TAF8: variants seen among roughly 807,000 people sequenced by gnomAD.
The protein encoded by TAF8 is TATA-box binding protein associated factor 8.
Under a neutral mutation model 36.5 loss-of-function variants are expected in TAF8, and 47 were observed. That is an observed-to-expected ratio of 1.29 (90% CI 1.02 to 1.64). The LOEUF (loss-of-function observed/expected upper bound fraction) is 1.64. TAF8 is among the 40% of genes most tolerant of loss of function. TAF8 has a pLI of 0.00. For synonymous variants in TAF8, 175 were observed against 159.5 expected (o/e 1.10, Z -0.73); for missense variants, 420 against 407.6 (o/e 1.03, Z -0.26).
At chr6:42,074,007 T>C (rs1175533609) in intron 7 of TAF8, among the ~76,000 whole-genome samples, 1 of 151,814 alleles carries the variant, frequency 6.6e-6, no homozygotes, top group Non-Finnish European at 1.5e-5. Context: ...GGAAAAGGAG[T>C]GTGCCAGGTG....
At position 42,066,459 on chromosome 6, in the gene TAF8, T is replaced by C; in HGVS notation, c.637T>C (p.Leu213=). ...CAAAGATGACGTCAGCACATTTCCA[T>C]GTGAGAGTTGCCCCACTGTGTGGAC... ...LFKDDVSTFP[L]IAARPFTIPY... The change falls in exon 6 of 9, where the codon TTG becomes CTG. Residue 213 remains leucine, a splice_region_variant and synonymous_variant. Coordinates refer to ENST00000372977, the MANE Select transcript of TAF8 (RefSeq NM_138572.3). 3 of 1,614,122 alleles carry C rather than the reference T, an allele frequency of 1.9e-6. No homozygotes were observed. The highest frequency in any genetic ancestry group is 2.5e-6 in the Non-Finnish European group (3 of 1,179,970).
chr6:42,050,526 A>G lies in TAF8; in HGVS notation c.-16A>G, dbSNP rs1228873498. 5 of 1,385,128 alleles carry G rather than the reference A, an allele frequency of 3.6e-6. No individual in the cohort carries two copies. The highest frequency in any genetic ancestry group is 3.8e-6 in the Non-Finnish European group (4 of 1,044,886). 85.8% of individuals were successfully genotyped at this position (1,385,128 alleles called of 1,614,324 possible). Reference sequence around the variant, plus strand: ...CCCATCGCGCCCCGCGCTCGCGCACACTACGCCAGAACAAGATGGCCGACG... The same window carrying G: ...CCCATCGCGCCCCGCGCTCGCGCACGCTACGCCAGAACAAGATGGCCGACG... On this transcript the variant is annotated 5_prime_UTR_variant, in exon 1 of 9. Transcript: ENST00000372977.
Position 42,081,105 on chromosome 6 carries a change from G to A in TAF8, c.*3560G>A, listed in dbSNP as rs9381132. 199,866 of 279,428 alleles carry A rather than the reference G, an allele frequency of 0.72. 71,880 individuals are homozygous for A. Among genetic ancestry groups the A allele is most frequent in the East Asian group, 0.9 (5,088 of 5,628 alleles). 17.3% of individuals were successfully genotyped at this position (279,428 alleles called of 1,614,324 possible). On this transcript the variant is annotated 3_prime_UTR_variant, in exon 9 of 9. Coordinates refer to ENST00000372977, the MANE Select transcript of TAF8 (RefSeq NM_138572.3). ...CCTCATCAAGCTTCCACACTTGTCA[G>A]TAGCTTGTTGATTCTGTTTCATCTG...
At position 42,051,286 on chromosome 6, in the gene TAF8, C is replaced by T. The variant is rs940605353; in HGVS notation, c.46-71C>T. 2.1e-6 allele frequency: 3 copies of T among 1,404,852 alleles called. No homozygotes were observed. The African/African-American group carries it at 4.3e-5, about 20-fold the overall frequency. 87.0% of individuals were successfully genotyped at this position (1,404,852 alleles called of 1,614,324 possible). A position where few individuals can be genotyped will look rare whatever the true frequency, so the allele number is the denominator to read the frequency against. ...TTATTTAGTAAAATAACTTTGCTTG[C>T]CGTTGACCACGTATGAACTATGTGA... is the stretch of plus-strand genomic sequence containing the variant. On this transcript the variant is annotated intron_variant, in intron 1 of 8. Transcript: ENST00000372977.
rs1356294039 is a variant in TAF8 at position 42,082,107 on chromosome 6, T to C, written c.*4562T>C. ...TTAGTTTTCACCATGTGCACGTGTG[T>C]GTTATGTGTGTGTTGTTCCGTGCAG... On this transcript the variant is annotated 3_prime_UTR_variant, in exon 9 of 9. Transcript: ENST00000372977. 6.6e-6 allele frequency: 1 copy of C among 152,232 alleles called. No homozygotes were observed. The highest frequency in any genetic ancestry group is 1.5e-5 in the Non-Finnish European group (1 of 68,050). The allele number at this position is 152,232 out of a possible 1,614,324, so 9.4% of individuals were successfully genotyped here.
chr6:42,067,374 C>A (rs540520404), intron 6 of TAF8, among the ~76,000 whole-genome samples: 8 of 152,172 alleles, frequency 5.3e-5, no homozygotes, highest in African/African-American at 1.9e-4. Context: ...CCACCACACC[C>A]AGCTAATTTT....
chr6:42,051,354 C>G lies in TAF8; in HGVS notation c.46-3C>G. 1.2e-6 allele frequency: 2 copies of G among 1,610,084 alleles called. No individual in the cohort carries two copies. Among genetic ancestry groups the G allele is most frequent in the Non-Finnish European group, 1.7e-6 (2 of 1,176,752 alleles). ...GGATGAAAATCTCTCTGCTGATTCA[C>G]AGAGATCGGGAAGTAAACAGTCCAC... On this transcript the variant is annotated splice_polypyrimidine_tract_variant and splice_region_variant and intron_variant, in intron 1 of 8. Coordinates refer to ENST00000372977, the MANE Select transcript of TAF8 (RefSeq NM_138572.3).
intron 1 of TAF8, 153 bp downstream of exon 1, chr6:42,050,739 T>G (rs1764740675): frequency 1.9e-6 from 2 of 1,066,094 alleles, no homozygotes; most frequent in African/African-American, 3.3e-5. Flanking sequence ...GCCCCCTCCT[T>G]GGGACTTGGC....
rs1176910407 is a variant in TAF8, at chr6:42,077,690, G to A, written c.*145G>A. ...TCGGACATGATTTTCATGGCAAACC[G>A]TCTTATTAAGATGACCTATTTTCAC... On this transcript the variant is annotated 3_prime_UTR_variant, in exon 9 of 9. Transcript: ENST00000372977. 48 of 1,498,106 alleles carry A rather than the reference G, an allele frequency of 3.2e-5. No individual in the cohort carries two copies. The highest frequency in any genetic ancestry group is 2.1e-4 in the Middle Eastern group (1 of 4,662). 92.8% of individuals were successfully genotyped at this position (1,498,106 alleles called of 1,614,324 possible).
chr6:42,051,685 G>A, intron 2 of TAF8, 172 bp downstream of exon 2: 1 of 627,690 alleles, frequency 1.6e-6, no homozygotes, highest in South Asian at 2.3e-5. Flanking sequence ...AATGGGCCGA[G>A]CGTGGTGGCT....
At position 42,082,071 on chromosome 6, in the gene TAF8, A is replaced by G. The variant is rs936596056; in HGVS notation, c.*4526A>G. 5 of 152,224 alleles carry G rather than the reference A, an allele frequency of 3.3e-5. No individual in the cohort carries two copies. The highest frequency in any genetic ancestry group is 7.3e-5 in the Non-Finnish European group (5 of 68,056). 9.4% of individuals were successfully genotyped at this position (152,224 alleles called of 1,614,324 possible). A position where few individuals can be genotyped will look rare whatever the true frequency, so the allele number is the denominator to read the frequency against. ...TGTAGATGGTATATTAGTACAATGCATAGAGCTTATTTAGTTTTCACCATG... is the reference window on the plus strand; with the variant it reads ...TGTAGATGGTATATTAGTACAATGCGTAGAGCTTATTTAGTTTTCACCATG... On this transcript the variant is annotated 3_prime_UTR_variant, in exon 9 of 9. Coordinates refer to ENST00000372977, the MANE Select transcript of TAF8 (RefSeq NM_138572.3).
At chr6:42,076,278 C>T (rs1432486415) in intron 7 of TAF8, among the ~76,000 whole-genome samples, 1 of 151,570 alleles carries the variant, frequency 6.6e-6, no homozygotes, top group African/African-American at 2.4e-5. Context: ...GGTAAAACCC[C>T]GTCTCTACTA....
intron 7 of TAF8, among the ~76,000 whole-genome samples, chr6:42,071,897 G>T (rs560153184): frequency 6.6e-6 from 1 of 152,308 alleles, no homozygotes; most frequent in East Asian, 1.9e-4. Flanking sequence ...TGAGGTCATG[G>T]TGGTAATTGA....
At chr6:42,053,438 G>A (rs905652866) in intron 2 of TAF8, among the ~76,000 whole-genome samples, 5 of 151,680 alleles carry the variant, frequency 3.3e-5, no homozygotes, top group African/African-American at 9.7e-5. Flanking sequence ...GGTGGCGGGC[G>A]CCTGTAATTA....
chr6:42,053,411 A>G (rs891479945), intron 2 of TAF8, among the ~76,000 whole-genome samples: 1 of 152,034 alleles, frequency 6.6e-6, no homozygotes, highest in African/African-American at 2.4e-5. Flanking sequence ...TAAAAATGCA[A>G]AAAATTAGCT....
chr6:42,071,633 T>A (rs1183922396), intron 7 of TAF8, among the ~76,000 whole-genome samples: 3 of 142,498 alleles, frequency 2.1e-5, no homozygotes, highest in African/African-American at 8.0e-5. Context: ...CTGGATATAC[T>A]TTTTTTTTTT....
At chr6:42,064,381 A>G (rs771546361) in intron 5 of TAF8, among the ~76,000 whole-genome samples, 14 of 151,918 alleles carry the variant, frequency 9.2e-5, no homozygotes, top group Non-Finnish European at 1.5e-4. Context: ...GCCTCCCCCA[A>G]GTAGTTGGGA....
downstream of TAF8, chr6:42,086,984 G>C: frequency 1.7e-6 from 1 of 593,926 alleles, no homozygotes. Flanking sequence ...AGAAGTGCAG[G>C]GCGAGTTCTG....
chr6:42,052,432 C>G (rs891955398), intron 2 of TAF8, among the ~76,000 whole-genome samples: 1 of 151,554 alleles, frequency 6.6e-6, no homozygotes, highest in Non-Finnish European at 1.5e-5. Context: ...AGCAATTCTC[C>G]TGCCACAGCC....
Sources: allele counts gnomAD v4.1 joint callset (sites outside exome capture counted in the v4.1 genomes callset), GRCh38; gene constraint gnomAD v4.1.1; transcripts MANE v1.5; gene names NCBI Gene and HGNC (gene_info 2026-07-23, HGNC 2026-07-21).